Variants in MGAT4C observed in about 807,000 individuals in gnomAD.
MGAT4C encodes alpha-1,3-mannosyl-glycoprotein 4-beta-N-acetylglucosaminyltransferase C.
Under a neutral mutation model 40.1 loss-of-function variants are expected in MGAT4C, and 19 were observed. That is an observed-to-expected ratio of 0.47 (90% CI 0.33 to 0.70). The LOEUF is 0.70. Ranked by LOEUF, MGAT4C falls within the 30% of genes least tolerant of loss-of-function variation. The pLI is 0.02. For missense variants in MGAT4C, 491 were observed against 563.2 expected (o/e 0.87, Z 1.30); for synonymous variants, 181 against 187.1 (o/e 0.97, Z 0.27).
intron 4 of MGAT4C, among the ~76,000 whole-genome samples, chr12:86,266,787 T>G (rs554111867): frequency 6.6e-6 from 1 of 152,218 alleles, no homozygotes; most frequent in African/African-American, 2.4e-5. Flanking sequence ...TTGAAAGATT[T>G]TTTTTTTTAT....
chr12:86,505,820 C>T (rs1958462628), intron 2 of MGAT4C, among the ~76,000 whole-genome samples: 2 of 152,118 alleles, frequency 1.3e-5, no homozygotes, highest in South Asian at 4.1e-4. Flanking sequence ...ATATCTCCAA[C>T]ACCTTTACAG....
At chr12:86,536,212 C>A (rs1482129116) in intron 2 of MGAT4C, among the ~76,000 whole-genome samples, 1 of 151,724 alleles carries the variant, frequency 6.6e-6, no homozygotes, top group Non-Finnish European at 1.5e-5. Context: ...CTTTGTTAGA[C>A]AAAGGAAAAA....
intron 1 of MGAT4C, among the ~76,000 whole-genome samples, chr12:86,081,024 G>A (rs772958896): frequency 3.0e-4 from 46 of 152,086 alleles, no homozygotes; most frequent in African/African-American, 9.4e-4. Flanking sequence ...AAATAGAATG[G>A]CATTTAGTTG....
intron 1 of MGAT4C, among the ~76,000 whole-genome samples, chr12:86,253,512 T>C (rs1234828329): frequency 6.6e-6 from 1 of 151,998 alleles, no homozygotes; most frequent in Non-Finnish European, 1.5e-5. Flanking sequence ...ATAATATCAA[T>C]TACTTTATCA....
intron 1 of MGAT4C, among the ~76,000 whole-genome samples, chr12:86,796,219 G>T (rs2136198127): frequency 6.6e-6 from 1 of 151,616 alleles, no homozygotes; most frequent in Non-Finnish European, 1.5e-5. Context: ...CACGTGCCAG[G>T]TTGTGTGTTA....
chr12:86,051,516 AG>A (rs1345429723), intron 1 of MGAT4C, among the ~76,000 whole-genome samples: 1 of 151,922 alleles, frequency 6.6e-6, no homozygotes, highest in Non-Finnish European at 1.5e-5. Flanking sequence ...ATATATATTA[AG>A]CCAGATATTC....
In MGAT4C at chr12:86,317,878, A is replaced by T. The variant is rs369847668; in HGVS notation, c.-57+16187T>A. 2.0e-4 allele frequency among the ~76,000 whole-genome samples: 31 copies of T among 151,392 alleles called. No individual in the cohort carries two copies. In the South Asian group the frequency reaches 6.3e-3, roughly 31 times the overall value. On this transcript the variant is annotated intron_variant, in intron 4 of 7. Coordinates refer to the MGAT4C transcript ENST00000548651. ...TTCAAAGAACTGCTACTAGATGGCA[A>T]ACTCAAGTTATTTTTTAAATATGAT...
intron 1 of MGAT4C, among the ~76,000 whole-genome samples, chr12:86,128,210 C>A (rs1187876858): frequency 1.3e-5 from 2 of 152,168 alleles, no homozygotes; most frequent in African/African-American, 4.8e-5. Flanking sequence ...TTCATACATG[C>A]CGTCCTTTGT....
intron 3 of MGAT4C, among the ~76,000 whole-genome samples, chr12:86,391,610 C>T (rs1399072400): frequency 6.6e-6 from 1 of 152,030 alleles, no homozygotes; most frequent in South Asian, 2.1e-4. Flanking sequence ...TGTAATCCCA[C>T]TACTTTGGGA....
At chr12:86,487,443 C>T (rs1015871492) in intron 2 of MGAT4C, among the ~76,000 whole-genome samples, 2 of 152,074 alleles carry the variant, frequency 1.3e-5, no homozygotes, top group African/African-American at 4.8e-5. Context: ...ATTTCTTATT[C>T]GTAAGTTTTG....
At position 85,965,945 on chromosome 12, in the gene MGAT4C, C is replaced by A. The variant is rs1347924282; in HGVS notation, c.*13344G>T. ...AGGACTCTGGATAGAAAGAGATGGC[C>A]CAGGATACAGAGGGCACTCCTTAAA... is the stretch of plus-strand genomic sequence containing the variant. On this transcript the variant is annotated 3_prime_UTR_variant, in exon 5 of 5. Transcript: ENST00000611864. 2 of 151,504 alleles carry A rather than the reference C, an allele frequency of 1.3e-5. No homozygotes were observed. Among genetic ancestry groups the A allele is most frequent in the African/African-American group, 4.9e-5 (2 of 41,226 alleles). The allele number at this position is 151,504 out of a possible 1,614,324, so 9.4% of individuals were successfully genotyped here.
chr12:86,159,292 T>A (rs149546270), intron 1 of MGAT4C, among the ~76,000 whole-genome samples: 1 of 152,014 alleles, frequency 6.6e-6, no homozygotes, highest in African/African-American at 2.4e-5. Flanking sequence ...GACGATTATA[T>A]TGTTTGATTT....
intron 1 of MGAT4C, among the ~76,000 whole-genome samples, chr12:86,169,189 T>C (rs571249322): frequency 6.6e-6 from 1 of 152,266 alleles, no homozygotes; most frequent in African/African-American, 2.4e-5. Flanking sequence ...TATTAAGTCT[T>C]GACACCATGA....
At position 85,969,286 on chromosome 12, in the gene MGAT4C, TG is replaced by T. The variant is rs1375440920; in HGVS notation, c.*10002del. ...AGCTATAGGCCAATAAACACAACTT[TG>T]GGGTTTACTGATGTTTTCCAACATC... is the stretch of plus-strand genomic sequence containing the variant. On this transcript the variant is annotated 3_prime_UTR_variant, in exon 5 of 5. Coordinates refer to ENST00000611864, the MANE Select transcript of MGAT4C (RefSeq NM_001351288.2). 6.6e-6 allele frequency: 1 copy of T among 151,708 alleles called. No individual in the cohort carries two copies. The highest frequency in any genetic ancestry group is 1.5e-5 in the Non-Finnish European group (1 of 67,694). 9.4% of individuals were successfully genotyped at this position (151,708 alleles called of 1,614,324 possible). A position where few individuals can be genotyped will look rare whatever the true frequency, so the allele number is the denominator to read the frequency against.
chr12:85,984,903 C>T (rs1053996967), intron 3 of MGAT4C, among the ~76,000 whole-genome samples: 7 of 151,996 alleles, frequency 4.6e-5, no homozygotes, highest in Non-Finnish European at 2.9e-5. Flanking sequence ...CTCAGCCTCC[C>T]GAGTAGCTGG....
intron 2 of MGAT4C, among the ~76,000 whole-genome samples, chr12:86,552,083 G>GT (rs1959395566): frequency 7.3e-6 from 1 of 137,670 alleles, no homozygotes; most frequent in Admixed American, 7.3e-5. Context: ...AAATTATCCA[G>GT]TAATAGACCT....
At chr12:86,631,829 C>G (rs568515670) in intron 2 of MGAT4C, among the ~76,000 whole-genome samples, 6 of 152,142 alleles carry the variant, frequency 3.9e-5, no homozygotes, top group East Asian at 1.9e-4. Flanking sequence ...CAATACCATT[C>G]AGGACATAGG....
rs1374539418 is a variant in MGAT4C, at chr12:86,304,392, A to G, written c.-57+29673T>C. On this transcript the variant is annotated intron_variant, in intron 4 of 7. Transcript: ENST00000548651. ...CAATCATTTACATACTCTACTTTCT[A>G]TCTGATAATTTCTAAAGCTATTAGA... Among the ~76,000 whole-genome samples the G allele has an allele frequency of 4.6e-5, 7 of 150,716 alleles. No individual in the cohort carries two copies. The East Asian group carries it at 1.2e-3, about 25-fold the overall frequency.
At chr12:86,057,123 T>C (rs1313329651) in intron 1 of MGAT4C, among the ~76,000 whole-genome samples, 2 of 152,088 alleles carry the variant, frequency 1.3e-5, no homozygotes, top group South Asian at 2.1e-4. Flanking sequence ...TTTTTGAAAT[T>C]TGCAGATTCC....
Sources: gnomAD v4.1 joint callset for allele counts (sites outside exome capture counted in the v4.1 genomes callset) on GRCh38, gnomAD v4.1.1 for gene constraint, MANE v1.5 for transcripts, NCBI Gene and HGNC (gene_info 2026-07-23, HGNC 2026-07-21) for gene names.